Variants in ZNF350 observed in about 807,000 individuals in gnomAD.
ZNF350 encodes the protein zinc finger protein 350, also known as KRAB zinc finger protein ZFQR.
ZNF350 carries 5 observed loss-of-function variants against 13.1 expected under a neutral mutation model. The ratio of observed to expected loss-of-function variants is 0.38; its 90% CI spans 0.20 to 0.80. The LOEUF (loss-of-function observed/expected upper bound fraction) is 0.80. Among genes scored for constraint, ZNF350 ranks in the 30% least tolerant of loss-of-function variants. The pLI, the probability that ZNF350 is intolerant of heterozygous loss-of-function variation, is 0.43. For synonymous variants in ZNF350, 199 were observed against 224.2 expected, an observed-to-expected ratio of 0.89 and a Z score of 1.00; for missense variants, 534 against 644.2, an observed-to-expected ratio of 0.83 and a Z score of 1.85.
At chr19:51,982,051 AAAAATT>A (rs1362409988) in intron 1 of ZNF350, 3 of 152,172 alleles carry the variant, frequency 2.0e-5, no homozygotes, top group Non-Finnish European at 4.4e-5. Flanking sequence ...AGAAAAAAGA[AAAAATT>A]AAAAACTAAA....
At chr19:51,975,448 A>AAAAC (rs910684798) in intron 1 of ZNF350, among the ~76,000 whole-genome samples, 1 of 151,500 alleles carries the variant, frequency 6.6e-6, no homozygotes, top group Non-Finnish European at 1.5e-5. Context: ...AAAAAAAAAA[A>AAAAC]AAAACTAGTA....
At chr19:51,980,340 G>C (rs12460506) in intron 1 of ZNF350, among the ~76,000 whole-genome samples, 29,832 of 152,108 alleles carry the variant, frequency 0.2, 3,318 homozygotes, top group African/African-American at 0.3. Context: ...TTCTAACTCA[G>C]CTTACTCACT....
rs2085552361 is a variant in ZNF350 at position 51,965,830 on chromosome 19, CACACATGATGCTTCTCTAATTTTCGTGTT to C, written c.594_622del (p.Thr199GlnfsTer2). On this transcript the variant is annotated frameshift_variant, in exon 5 of 5. Coordinates refer to ENST00000243644, the MANE Select transcript of ZNF350 (RefSeq NM_021632.4). LOFTEE classifies it low-confidence loss of function (END_TRUNC). The stretch of plus-strand genomic sequence containing the variant: ...GATGAAGGCTTTCCCACATTCACTG[CACACATGATGCTTCTCTAATTTTCGTGTT>C]TTCTGATGCTTGGGACTGATGAATT... The C allele has an allele frequency of 6.2e-7, 1 of 1,614,044 alleles. No homozygotes were observed.
Position 51,965,402 on chromosome 19 carries a change from A to G in ZNF350, c.1051T>C (p.Cys351Arg), listed in dbSNP as rs2085538657. Residue 351 changes from cysteine to arginine, a missense_variant, in exon 5 of 5, where the codon TGT becomes CGT. Cys to Arg is a radical substitution (Grantham distance 180). Transcript: ENST00000243644. ...GATTTCTGAGAACAGGATTTTCCAC[A>G]TTCACTGCACACAAAGGGCGTCTTT... ...TGKTPFVCSE[C>R]GKSCSQKSGL... is the part of the protein sequence containing the mutation. 1.2e-6 allele frequency: 2 copies of G among 1,614,160 alleles called. No homozygotes were observed. Among genetic ancestry groups the G allele is most frequent in the South Asian group, 1.1e-5 (1 of 91,080 alleles).
At chr19:51,979,054 T>C (rs181449599) in intron 1 of ZNF350, among the ~76,000 whole-genome samples, 1 of 152,158 alleles carries the variant, frequency 6.6e-6, no homozygotes, top group African/African-American at 2.4e-5. Flanking sequence ...TGGCCAACCA[T>C]GGGCCCAGTC....
At position 51,966,165 on chromosome 19, in the gene ZNF350, C is replaced by T. The variant is rs2085562123; in HGVS notation, c.288G>A (p.Leu96=). ...HVLERLQSES[L]VNRRKPCHEH... is the part of the protein sequence containing the mutation. Reference sequence around the variant, plus strand: ...CATGACATGGTTTCCTTCTGTTCACCAGGCTTTCACTCTGCAAGCGCTCCA... The same window carrying T: ...CATGACATGGTTTCCTTCTGTTCACTAGGCTTTCACTCTGCAAGCGCTCCA... The change falls in exon 5 of 5, where the codon CTG becomes CTA. Residue 96 remains leucine (L), a synonymous_variant. Transcript: ENST00000243644. 1 of 1,610,380 alleles carries T rather than the reference C, an allele frequency of 6.2e-7. No homozygotes were observed. Among genetic ancestry groups the T allele is most frequent in the South Asian group, 1.1e-5 (1 of 90,032 alleles).
At position 51,976,100 on chromosome 19, in the gene ZNF350, C is replaced by T. The variant is rs891972086; in HGVS notation, c.-171-1569G>A. On this transcript the variant is annotated intron_variant, in intron 1 of 4. Coordinates refer to ENST00000243644, the MANE Select transcript of ZNF350 (RefSeq NM_021632.4). The surrounding 1 kb of genome is among the most constrained non-coding windows in gnomAD (Gnocchi z 4.5). The stretch of plus-strand genomic sequence containing the variant: ...CAAGACTACTCTGGACCCCTGGCGC[C>T]GTTATCTACTGCGACATCTAGAGAA... Among the ~76,000 whole-genome samples, 7 of 147,634 alleles carry T rather than the reference C, an allele frequency of 4.7e-5. No homozygotes were observed. The highest frequency in any genetic ancestry group is 1.1e-4 in the Non-Finnish European group (7 of 66,308).
intron 3 of ZNF350, among the ~76,000 whole-genome samples, 160 bp downstream of exon 3, chr19:51,968,845 C>A (rs563532909): frequency 1.3e-5 from 2 of 152,266 alleles, no homozygotes; most frequent in African/African-American, 4.8e-5. Flanking sequence ...AGGTTTTTCT[C>A]TTACAAGAGG....
intron 2 of ZNF350, among the ~76,000 whole-genome samples, chr19:51,970,689 A>G (rs571858507): frequency 6.6e-6 from 1 of 152,270 alleles, no homozygotes; most frequent in East Asian, 1.9e-4. Flanking sequence ...AGTAATGGAG[A>G]AACAATATCC....
chr19:51,970,910 C>CTCCACAGAAA (rs1436810034), intron 2 of ZNF350, among the ~76,000 whole-genome samples: 1 of 152,190 alleles, frequency 6.6e-6, no homozygotes, highest in African/African-American at 2.4e-5. Context: ...CAGCTGACTG[C>CTCCACAGAAA]TCCACAGAAA....
intron 1 of ZNF350, among the ~76,000 whole-genome samples, chr19:51,983,657 A>T (rs1277855035): frequency 6.6e-6 from 1 of 152,144 alleles, no homozygotes; most frequent in East Asian, 1.9e-4. Flanking sequence ...CCTTAAACTT[A>T]TTTATAACAC....
chr19:51,977,606 A>G (rs1365978464), intron 1 of ZNF350, among the ~76,000 whole-genome samples: 10 of 152,216 alleles, frequency 6.6e-5, no homozygotes, highest in African/African-American at 2.4e-4. Flanking sequence ...GAGTCCCTGT[A>G]CAATCCTTTT....
intron 2 of ZNF350, chr19:51,973,629 A>G (rs1394023536): frequency 6.6e-6 from 1 of 152,230 alleles, no homozygotes; most frequent in Admixed American, 6.5e-5. Context: ...TCCTGTTCAG[A>G]CAATATCACT....
chr19:51,978,482 T>C (rs921343038), intron 1 of ZNF350, among the ~76,000 whole-genome samples: 5 of 152,304 alleles, frequency 3.3e-5, no homozygotes, highest in African/African-American at 1.2e-4. Context: ...GGAGAATATA[T>C]TGCTCAATTA....
At chr19:51,970,059 A>ATTTT (rs60960172) in intron 2 of ZNF350, among the ~76,000 whole-genome samples, 4,178 of 114,410 alleles carry the variant, frequency 0.037, 430 homozygotes, top group African/African-American at 0.13. Flanking sequence ...CGCCTGGCTA[A>ATTTT]TTTTTTTTTT....
chr19:51,968,223 G>A (rs148048837), intron 4 of ZNF350, among the ~76,000 whole-genome samples: 2 of 152,266 alleles, frequency 1.3e-5, no homozygotes, highest in Non-Finnish European at 2.9e-5. Context: ...CGAAAACAGT[G>A]AGGACTTCAA....
Position 51,979,190 on chromosome 19 carries a change from G to T in ZNF350, c.-171-4659C>A, listed in dbSNP as rs557426436. On this transcript the variant is annotated intron_variant, in intron 1 of 4. Transcript: ENST00000243644. Reference sequence around the variant, plus strand: ...TCAAGAAAACCACACAGGAAGCTGAGAAACTACTGGAGTGTCAGGGACAGG... The same window carrying T: ...TCAAGAAAACCACACAGGAAGCTGATAAACTACTGGAGTGTCAGGGACAGG... Among the ~76,000 whole-genome samples the T allele has an allele frequency of 4.6e-5, 7 of 152,294 alleles. No homozygotes were observed. The South Asian group carries it at 1.2e-3, about 27-fold the overall frequency.
In ZNF350 at chr19:51,965,256, C is replaced by G. The variant is rs772535085; in HGVS notation, c.1197G>C (p.Glu399Asp). The G allele has an allele frequency of 4.3e-6, 7 of 1,614,220 alleles. No homozygotes were observed. The highest frequency in any genetic ancestry group is 5.9e-6 in the Non-Finnish European group (7 of 1,180,030). The change falls in exon 5 of 5, where the codon GAG becomes GAC. Residue 399 changes from glutamate (E) to aspartate (D), a missense_variant. Glu to Asp is a conservative substitution (Grantham distance 45, BLOSUM62 2). Transcript: ENST00000243644. ...LIVHQRTHTGERPYGCNECGK... is the reference protein window; with the variant it reads ...LIVHQRTHTGDRPYGCNECGK... ...CACACTCGTTACAGCCATAGGGTCTCTCTCCTGTATGAGTCCTTTGATGGA... is the reference window on the plus strand; with the variant it reads ...CACACTCGTTACAGCCATAGGGTCTGTCTCCTGTATGAGTCCTTTGATGGA...
Position 51,964,876 on chromosome 19 carries a change from A to G in ZNF350, c.1577T>C (p.Phe526Ser). Reference protein sequence around the residue: ...VVPSVINYVLFYVTENP With the variant: ...VVPSVINYVLSYVTENP ...TTCCTATGGGTTTTCTGTAACATAA[A>G]ATAAGACATAATTGATCACGGAAGG... The change falls in exon 5 of 5, where the codon TTT (phenylalanine) becomes TCT (serine). Residue 526 changes from phenylalanine to serine, a missense_variant. Transcript: ENST00000243644. The G allele has an allele frequency of 6.2e-7, 1 of 1,609,620 alleles. No homozygotes were observed. The highest frequency in any genetic ancestry group is 8.5e-7 in the Non-Finnish European group (1 of 1,176,528).
Sources: allele counts gnomAD v4.1 joint callset (sites outside exome capture counted in the v4.1 genomes callset), GRCh38; gene constraint gnomAD v4.1.1; non-coding constraint Gnocchi (gnomAD v3.1); transcripts MANE v1.5; gene names NCBI Gene and HGNC (gene_info 2026-07-23, HGNC 2026-07-21).